SDK2: variants seen among roughly 807,000 people sequenced by gnomAD.
SDK2 encodes the protein protein sidekick-2.
A neutral mutation model predicts 253.9 loss-of-function variants in SDK2; 105 were observed. The ratio of observed to expected loss-of-function variants is 0.41; its 90% CI spans 0.35 to 0.49. The LOEUF is 0.49. Among genes scored for constraint, SDK2 ranks in the 20% least tolerant of loss-of-function variants. SDK2 has a pLI of 0.06. For synonymous variants in SDK2, 1,249 were observed against 1,234.9 expected (o/e 1.01, Z -0.24); for missense variants, 2,608 against 3,003.0 (o/e 0.87, Z 3.07).
At chr17:73,367,667 T>A (rs1228088417) in intron 37 of SDK2, among the ~76,000 whole-genome samples, 2 of 151,954 alleles carry the variant, frequency 1.3e-5, no homozygotes, top group Admixed American at 6.5e-5. Context: ...CATGCCTGGA[T>A]AATTTTTTAT....
intron 12 of SDK2, among the ~76,000 whole-genome samples, chr17:73,425,530 C>G (rs778154466): frequency 5.3e-4 from 80 of 152,104 alleles, no homozygotes; most frequent in Non-Finnish European, 2.2e-4. Flanking sequence ...TTATTTTAGA[C>G]AGAGTCTGGC....
intron 1 of SDK2, among the ~76,000 whole-genome samples, chr17:73,606,738 G>A (rs923672692): frequency 6.6e-6 from 1 of 152,128 alleles, no homozygotes; most frequent in African/African-American, 2.4e-5. Flanking sequence ...CCCCATCCAC[G>A]CAGAATCCAG....
chr17:73,640,315 G>A (rs1480599396), intron 1 of SDK2, among the ~76,000 whole-genome samples: 3 of 152,162 alleles, frequency 2.0e-5, no homozygotes, highest in Non-Finnish European at 4.4e-5. Context: ...GGCTGCCAGC[G>A]GGATGTAGCC....
At chr17:73,366,278 C>T (rs763928000) in intron 37 of SDK2, among the ~76,000 whole-genome samples, 88 of 152,296 alleles carry the variant, frequency 5.8e-4, no homozygotes, top group African/African-American at 2.0e-3. Context: ...GCCGCAGTGA[C>T]GGAAGCCTCG....
chr17:73,581,281 C>T (rs2045530546), intron 1 of SDK2, among the ~76,000 whole-genome samples: 1 of 152,208 alleles, frequency 6.6e-6, no homozygotes, highest in Non-Finnish European at 1.5e-5. Flanking sequence ...GTTCACTTTA[C>T]ACTGGGCCCT....
At chr17:73,466,154 C>T (rs1297881792) in intron 3 of SDK2, among the ~76,000 whole-genome samples, 1 of 152,168 alleles carries the variant, frequency 6.6e-6, no homozygotes, top group Non-Finnish European at 1.5e-5. Context: ...GCCTGGTTTG[C>T]CTCAGCCTAG....
At chr17:73,406,842 G>A (rs1262248744) in intron 18 of SDK2, among the ~76,000 whole-genome samples, 1 of 152,220 alleles carries the variant, frequency 6.6e-6, no homozygotes, top group African/African-American at 2.4e-5. Flanking sequence ...GCAGTGCGAA[G>A]TCCATCCCTA....
In SDK2 at chr17:73,570,826, A is replaced by C. The variant is rs984392141; in HGVS notation, c.65-63229T>G. ...CCCCTCACTGGACTGAACTGAGTTTAGCCCGAAATGCTCCTCCCAGGCCTG... is the reference window on the plus strand; with the variant it reads ...CCCCTCACTGGACTGAACTGAGTTTCGCCCGAAATGCTCCTCCCAGGCCTG... On this transcript the variant is annotated intron_variant, in intron 1 of 44. Transcript: ENST00000392650. This position sits in a 1 kb window ranked among gnomAD's most constrained non-coding sequence, Gnocchi z 4.2. Among the ~76,000 whole-genome samples, 12 of 152,170 alleles carry C rather than the reference A, an allele frequency of 7.9e-5. No individual in the cohort carries two copies. The highest frequency in any genetic ancestry group is 1.2e-4 in the Non-Finnish European group (8 of 68,030).
intron 3 of SDK2, among the ~76,000 whole-genome samples, chr17:73,469,989 C>CGTGCGT (rs1274048832): frequency 9.0e-6 from 1 of 110,598 alleles, no homozygotes; most frequent in African/African-American, 3.7e-5. Flanking sequence ...ACTGCGCGCG[C>CGTGCGT]GCGCACACAC....
Position 73,469,992 on chromosome 17 carries a change from GCACACACACA to G in SDK2, c.331+2110_331+2119del, listed in dbSNP as rs34448667. Among the ~76,000 whole-genome samples the G allele has an allele frequency of 1.6e-3, 196 of 126,264 alleles. 2 individuals carry two copies. The highest frequency in any genetic ancestry group is 4.4e-3 in the Middle Eastern group (1 of 226). The allele number at this position is 126,264 out of a possible 152,430, so 82.8% of individuals were successfully genotyped here. ...ATGGCATTTGCGACTGCGCGCGCGC[GCACACACACA>G]CACACACACACACACACACACACAC... On this transcript the variant is annotated intron_variant, in intron 3 of 44. Transcript: ENST00000392650.
intron 2 of SDK2, among the ~76,000 whole-genome samples, chr17:73,495,619 C>CGTGTGTGTGTGTGTGTGTGT (rs60091992): frequency 1.8e-4 from 27 of 148,530 alleles, no homozygotes; most frequent in South Asian, 4.3e-4. Context: ...AGGCCTGCCC[C>CGTGTGTGTGTGTGTGTGTGT]GTGTGTGTGT....
chr17:73,604,483 G>T (rs548546306), intron 1 of SDK2, among the ~76,000 whole-genome samples: 7 of 152,286 alleles, frequency 4.6e-5, no homozygotes, highest in East Asian at 1.9e-4. Context: ...CCCAAAGGCC[G>T]GTGGGCAGCT....
At position 73,557,552 on chromosome 17, in the gene SDK2, C is replaced by G. The variant is rs536024776; in HGVS notation, c.65-49955G>C. Among the ~76,000 whole-genome samples the G allele has an allele frequency of 3.9e-5, 6 of 152,286 alleles. No individual in the cohort carries two copies. The South Asian group carries it at 6.2e-4, about 16-fold the overall frequency. On this transcript the variant is annotated intron_variant, in intron 1 of 44. Transcript: ENST00000392650. ...ATCTGCCCTCAAGTGGTCTGCCTAC[C>G]TCAGCTTCCCAAAGTGCTAGGATTA...
At chr17:73,483,355 C>T (rs1447798997) in intron 2 of SDK2, among the ~76,000 whole-genome samples, 1 of 130,238 alleles carries the variant, frequency 7.7e-6, no homozygotes, top group African/African-American at 3.0e-5. Context: ...TCCTTTTGCT[C>T]AGGCTAAAGT....
Position 73,379,638 on chromosome 17 carries a change from G to T in SDK2, c.4763-89C>A. On this transcript the variant is annotated intron_variant, in intron 34 of 44. Transcript: ENST00000392650. This position sits in a 1 kb window ranked among gnomAD's most constrained non-coding sequence, Gnocchi z 4.5. ...CCAGGGAGGGTGGAGGCTGCAGGGG[G>T]AGGAATGAGGCACCCCCGCCATTCT... The T allele has an allele frequency of 1.3e-6, 1 of 745,294 alleles. No homozygotes were observed. The highest frequency in any genetic ancestry group is 1.8e-5 in the South Asian group (1 of 56,978). 46.2% of individuals were successfully genotyped at this position (745,294 alleles called of 1,614,324 possible).
chr17:73,340,734 GTTTT>G (rs10638504), intron 44 of SDK2, among the ~76,000 whole-genome samples: 33 of 77,552 alleles, frequency 4.3e-4, no homozygotes, highest in Non-Finnish European at 6.0e-4. Context: ...AAACCTTAAA[GTTTT>G]TTTTTTTTTT....
At chr17:73,488,307 C>G (rs1467426900) in intron 2 of SDK2, among the ~76,000 whole-genome samples, 1 of 152,342 alleles carries the variant, frequency 6.6e-6, no homozygotes, top group Non-Finnish European at 1.5e-5. Flanking sequence ...TGAGCCACCA[C>G]GCCCGGCCAA....
intron 3 of SDK2, among the ~76,000 whole-genome samples, chr17:73,456,688 A>G (rs2145663392): frequency 6.6e-6 from 1 of 152,294 alleles, no homozygotes; most frequent in African/African-American, 2.4e-5. Flanking sequence ...CTCTTTTAAA[A>G]CATGCCACTG....
chr17:73,398,135 G>C lies in SDK2; in HGVS notation c.3254C>G (p.Pro1085Arg). The C allele has an allele frequency of 6.2e-7, 1 of 1,613,792 alleles. No individual in the cohort carries two copies. Among genetic ancestry groups the C allele is most frequent in the East Asian group, 2.2e-5 (1 of 44,874 alleles). The change falls in exon 24 of 45, where the codon CCT (proline) becomes CGT (arginine). Residue 1085 changes from proline to arginine, a missense_variant. Coordinates refer to ENST00000392650, the MANE Select transcript of SDK2 (RefSeq NM_001144952.2). ...CTGCAGGGTCTGGATCTTTCTAGAA[G>C]GCTGACTGGGGGGGCTGGTGCCCAC... Reference protein sequence around the residue: ...NIVGTSPPSQPSRKIQTLQAP... With the variant: ...NIVGTSPPSQRSRKIQTLQAP...
Sources: allele counts gnomAD v4.1 joint callset (sites outside exome capture counted in the v4.1 genomes callset), GRCh38; gene constraint gnomAD v4.1.1; non-coding constraint Gnocchi (gnomAD v3.1); transcripts MANE v1.5; gene names NCBI Gene and HGNC (gene_info 2026-07-23, HGNC 2026-07-21).